The following ESR1 variants were observed in gnomAD, a reference collection of about 807,000 sequenced individuals.
ESR1 encodes the protein estrogen receptor.
In ESR1, 12 loss-of-function variants were observed where a neutral mutation model predicts 52.7. That is an observed-to-expected ratio of 0.23 (90% CI 0.15 to 0.37). The LOEUF (loss-of-function observed/expected upper bound fraction) is 0.37, where lower values mean the gene tolerates loss of function less well. ESR1 is among the 10% of genes least tolerant of loss of function. The pLI, the probability that ESR1 is intolerant of heterozygous loss-of-function variation, is 1.00. For synonymous variants in ESR1, 305 were observed against 316.8 expected, an observed-to-expected ratio of 0.96 and a Z score of 0.39; for missense variants, 584 against 779.7, an observed-to-expected ratio of 0.75 and a Z score of 2.99.
At chr6:151,862,660 C>T (rs549910216) in intron 2 of ESR1, among the ~76,000 whole-genome samples, 18 of 152,150 alleles carry the variant, frequency 1.2e-4, no homozygotes, top group Non-Finnish European at 2.1e-4. Context: ...AAACAGACTG[C>T]GGTGTTCACC....
At chr6:151,933,815 T>C (rs1394214687) in intron 3 of ESR1, among the ~76,000 whole-genome samples, 1 of 152,238 alleles carries the variant, frequency 6.6e-6, no homozygotes, top group African/African-American at 2.4e-5. Flanking sequence ...TTATTGGCTT[T>C]ACTTTCAAAA....
chr6:151,872,584 A>C (rs1429366300), intron 2 of ESR1, among the ~76,000 whole-genome samples: 1 of 152,104 alleles, frequency 6.6e-6, no homozygotes, highest in African/African-American at 2.4e-5. Flanking sequence ...AAACATTTTG[A>C]ATTCTTCTTT....
At chr6:151,903,396 A>G (rs928607408) in intron 3 of ESR1, among the ~76,000 whole-genome samples, 20 of 152,132 alleles carry the variant, frequency 1.3e-4, no homozygotes, top group Admixed American at 5.2e-4. Context: ...CAACTGTGAG[A>G]GAGCCGTTTC....
intron 4 of ESR1, among the ~76,000 whole-genome samples, chr6:151,982,925 T>C (rs2040133435): frequency 1.3e-5 from 2 of 152,160 alleles, no homozygotes; most frequent in Non-Finnish European, 2.9e-5. Flanking sequence ...TCTGTTTAGC[T>C]TTAATATATT....
At chr6:152,062,409 C>T (rs2047618735) in intron 6 of ESR1, among the ~76,000 whole-genome samples, 1 of 152,210 alleles carries the variant, frequency 6.6e-6, no homozygotes, top group African/African-American at 2.4e-5. Flanking sequence ...ATCATTCTCA[C>T]TTATCAACTA....
chr6:151,705,597 A>G (rs531499982), intron 2 of ESR1, among the ~76,000 whole-genome samples: 1 of 152,312 alleles, frequency 6.6e-6, no homozygotes, highest in Admixed American at 6.5e-5. Flanking sequence ...ATAAGCTGCC[A>G]TTATGTCTCT....
chr6:151,734,066 C>T (rs1019975847), intron 2 of ESR1, among the ~76,000 whole-genome samples: 3 of 152,094 alleles, frequency 2.0e-5, no homozygotes, highest in East Asian at 1.9e-4. Context: ...ATTTTTTTGC[C>T]TGTAACACCT....
At chr6:152,029,507 T>C (rs1162585301) in intron 5 of ESR1, among the ~76,000 whole-genome samples, 2 of 152,208 alleles carry the variant, frequency 1.3e-5, no homozygotes, top group Non-Finnish European at 2.9e-5. Flanking sequence ...CAAGCTTCAG[T>C]AGCTGATTCA....
chr6:152,035,878 CCTT>C, intron 5 of ESR1, among the ~76,000 whole-genome samples: 1 of 152,222 alleles, frequency 6.6e-6, no homozygotes, highest in East Asian at 1.9e-4. Flanking sequence ...AAAACTTAAT[CCTT>C]CTTTACTCTA....
chr6:151,775,106 A>G (rs1034429806), intron 2 of ESR1, among the ~76,000 whole-genome samples: 6 of 152,112 alleles, frequency 3.9e-5, no homozygotes, highest in African/African-American at 1.4e-4. Flanking sequence ...GTGGCAGGAG[A>G]GGTGAAAGAA....
chr6:151,883,240 T>C (rs1793254245), intron 3 of ESR1, among the ~76,000 whole-genome samples: 1 of 151,854 alleles, frequency 6.6e-6, no homozygotes, highest in African/African-American at 2.4e-5. Context: ...CTGCTTCAAC[T>C]TCCCAAGTAG....
At chr6:152,034,090 A>G (rs1411475198) in intron 5 of ESR1, among the ~76,000 whole-genome samples, 3 of 145,158 alleles carry the variant, frequency 2.1e-5, no homozygotes, top group Non-Finnish European at 4.5e-5. Flanking sequence ...GAGTTGAACA[A>G]TGAGAACACG....
At chr6:151,705,125 T>G (rs1364722300) in intron 2 of ESR1, among the ~76,000 whole-genome samples, 1 of 152,060 alleles carries the variant, frequency 6.6e-6, no homozygotes, top group Non-Finnish European at 1.5e-5. Context: ...TAAGAGCACA[T>G]TTTTCCTGCC....
chr6:152,124,471 C>G (rs1186818061), intron 6 of ESR1, among the ~76,000 whole-genome samples: 1 of 152,190 alleles, frequency 6.6e-6, no homozygotes, highest in Non-Finnish European at 1.5e-5. Flanking sequence ...TAACCTTGAA[C>G]AACTCACTTC....
chr6:151,736,533 T>C (rs1481077215), intron 2 of ESR1, among the ~76,000 whole-genome samples: 2 of 151,996 alleles, frequency 1.3e-5, no homozygotes, highest in Admixed American at 6.6e-5. Context: ...CCACCAAGCC[T>C]GGCTAATTGT....
At chr6:151,943,147 G>A (rs1196399738) in intron 3 of ESR1, among the ~76,000 whole-genome samples, 1 of 152,100 alleles carries the variant, frequency 6.6e-6, no homozygotes, top group African/African-American at 2.4e-5. Context: ...TTGGGAGGCC[G>A]AGGCAGGCAG....
chr6:151,989,680 G>A (rs1288865546), intron 4 of ESR1, among the ~76,000 whole-genome samples: 1 of 152,058 alleles, frequency 6.6e-6, no homozygotes, highest in Non-Finnish European at 1.5e-5. Context: ...TTATGACATT[G>A]TTGTCCTCAG....
intron 2 of ESR1, among the ~76,000 whole-genome samples, chr6:151,724,186 G>T (rs1367305944): frequency 6.6e-6 from 1 of 152,044 alleles, no homozygotes; most frequent in Non-Finnish European, 1.5e-5. Flanking sequence ...AAGCAGAATT[G>T]GTGTAAAGTC....
chr6:151,767,233 A>G (rs1429751141), intron 2 of ESR1, among the ~76,000 whole-genome samples: 6 of 152,360 alleles, frequency 3.9e-5, no homozygotes, highest in African/African-American at 1.4e-4. Context: ...TTCCACATTT[A>G]CAACTTTATT....
Sources: gnomAD v4.1 joint callset for allele counts (sites outside exome capture counted in the v4.1 genomes callset) on GRCh38, gnomAD v4.1.1 for gene constraint, MANE v1.5 for transcripts, NCBI Gene and HGNC (gene_info 2026-07-23, HGNC 2026-07-21) for gene names.